PRKCZ: variants seen among roughly 807,000 people sequenced by gnomAD.
The protein encoded by PRKCZ is protein kinase C zeta.
A neutral mutation model predicts 79.5 loss-of-function variants in PRKCZ; 33 were observed. That is an observed-to-expected ratio of 0.41 (90% CI 0.31 to 0.55). The LOEUF is 0.55. Among genes scored for constraint, PRKCZ ranks in the 20% least tolerant of loss-of-function variants. The pLI is 0.19. For synonymous variants in PRKCZ, 342 were observed against 320.9 expected, an observed-to-expected ratio of 1.07 and a Z score of -0.70; for missense variants, 578 against 813.5, an observed-to-expected ratio of 0.71 and a Z score of 3.52.
intron 4 of PRKCZ, among the ~76,000 whole-genome samples, chr1:2,083,954 G>C (rs572093534): frequency 6.6e-6 from 1 of 152,208 alleles, no homozygotes; most frequent in Non-Finnish European, 1.5e-5. Context: ...TATGTTGGCC[G>C]GGCGCGGTGG....
intron 4 of PRKCZ, among the ~76,000 whole-genome samples, chr1:2,092,908 G>A (rs1665764819): frequency 6.6e-6 from 1 of 152,180 alleles, no homozygotes; most frequent in African/African-American, 2.4e-5. Context: ...TCCAGTCCCA[G>A]CGGACACATC....
At chr1:2,148,289 ACCTCT>A (rs1461642091) in intron 7 of PRKCZ, among the ~76,000 whole-genome samples, 25 of 149,298 alleles carry the variant, frequency 1.7e-4, no homozygotes, top group Middle Eastern at 3.5e-3. Context: ...TTGTCCACTG[ACCTCT>A]CCATCTATCC....
At chr1:2,108,598 G>A (rs1669069315) in intron 4 of PRKCZ, among the ~76,000 whole-genome samples, 1 of 152,230 alleles carries the variant, frequency 6.6e-6, no homozygotes, top group Non-Finnish European at 1.5e-5. Context: ...ACAGCTGACG[G>A]CAGCCCCTCT....
intron 10 of PRKCZ, chr1:2,156,411 A>G: frequency 3.7e-6 from 1 of 272,478 alleles, no homozygotes; most frequent in Non-Finnish European, 7.3e-6. Context: ...AAATATGTAC[A>G]GCTTCACCTT....
intron 4 of PRKCZ, among the ~76,000 whole-genome samples, chr1:2,104,038 C>T (rs1275733663): frequency 6.6e-6 from 1 of 152,214 alleles, no homozygotes; most frequent in East Asian, 1.9e-4. Flanking sequence ...GGGAGCTTCT[C>T]ACCACATAAT....
intron 9 of PRKCZ, among the ~76,000 whole-genome samples, chr1:2,155,599 A>ATGACGGTGGTGG (rs1553167960): frequency 1.1e-5 from 1 of 89,150 alleles, no homozygotes; most frequent in Non-Finnish European, 2.9e-5. Flanking sequence ...GGTGGTGGTG[A>ATGACGGTGGTGG]TGATGACAGT....
At chr1:2,102,497 T>G (rs1667623000) in intron 4 of PRKCZ, among the ~76,000 whole-genome samples, 1 of 151,822 alleles carries the variant, frequency 6.6e-6, no homozygotes. Flanking sequence ...CACGTCCCGC[T>G]AATTTTTTGT....
intron 11 of PRKCZ, among the ~76,000 whole-genome samples, chr1:2,170,759 G>A (rs575930832): frequency 3.0e-4 from 45 of 152,236 alleles, no homozygotes; most frequent in African/African-American, 9.6e-4. Flanking sequence ...TTGGTCCTTC[G>A]GTGGCTCATT....
intron 10 of PRKCZ, among the ~76,000 whole-genome samples, chr1:2,166,278 CGGT>C (rs1304472406): frequency 6.6e-6 from 1 of 151,988 alleles, no homozygotes; most frequent in Non-Finnish European, 1.5e-5. Flanking sequence ...AATTAGCTGG[CGGT>C]GGTGGTGCAA....
At chr1:2,087,896 AG>A (rs1239947633) in intron 4 of PRKCZ, among the ~76,000 whole-genome samples, 20 of 152,202 alleles carry the variant, frequency 1.3e-4, no homozygotes, top group Non-Finnish European at 8.8e-5. Flanking sequence ...GGAGCCAGGC[AG>A]GTCACTGCCT....
At chr1:2,057,296 C>T (rs1185822302) in intron 3 of PRKCZ, among the ~76,000 whole-genome samples, 3 of 152,206 alleles carry the variant, frequency 2.0e-5, no homozygotes, top group Non-Finnish European at 2.9e-5. Flanking sequence ...TGGGCGTGGG[C>T]TCCTCCCCGG....
At chr1:2,056,439 C>T in intron 2 of PRKCZ, 45 bp from the exon 3 acceptor site, 4 of 1,569,518 alleles carry the variant, frequency 2.5e-6, no homozygotes, top group Non-Finnish European at 3.5e-6. Flanking sequence ...GCCCCCTTTG[C>T]CTCGGGCCTT....
chr1:2,184,843 T>G lies in PRKCZ; in HGVS notation c.1692-79T>G. 1.4e-6 allele frequency: 2 copies of G among 1,432,380 alleles called. 1 individual carries two copies. The highest frequency in any genetic ancestry group is 2.4e-5 in the South Asian group (2 of 83,416). The allele number at this position is 1,432,380 out of a possible 1,614,324, so 88.7% of individuals were successfully genotyped here. ...TCCAGTGGGCGTTGGGGGAGGATTC[T>G]TATGCGAACGTGACTCCGCTTCCCC... On this transcript the variant is annotated intron_variant, in intron 17 of 17. Coordinates refer to ENST00000378567, the MANE Select transcript of PRKCZ (RefSeq NM_002744.6).
In PRKCZ at chr1:2,175,330, C is replaced by T. The variant is rs771370831; in HGVS notation, c.1575+17C>T. 11 of 1,598,178 alleles carry T rather than the reference C, an allele frequency of 6.9e-6. No homozygotes were observed. Among genetic ancestry groups the T allele is most frequent in the Non-Finnish European group, 9.4e-6 (11 of 1,167,380 alleles). ...TGGGACTTGGTAAAGCATCACAAAG[C>T]CTATTTGCACCCCCATCCCCATCCC... is the stretch of plus-strand genomic sequence containing the variant. On this transcript the variant is annotated intron_variant, in intron 16 of 17. Coordinates refer to ENST00000378567, the MANE Select transcript of PRKCZ (RefSeq NM_002744.6).
Position 2,053,966 on chromosome 1 carries a change from G to A in PRKCZ, c.72-1475G>A, listed in dbSNP as rs115339633. On this transcript the variant is annotated intron_variant, in intron 1 of 17. Coordinates refer to ENST00000378567, the MANE Select transcript of PRKCZ (RefSeq NM_002744.6). Reference sequence around the variant, plus strand: ...GTGGCCAGTTCCAGCAGGAAGGGGTGGGTAGCTGGGGCGTCTGTCCCCCAG... The same window carrying A: ...GTGGCCAGTTCCAGCAGGAAGGGGTAGGTAGCTGGGGCGTCTGTCCCCCAG... Among the ~76,000 whole-genome samples, 1,081 of 152,306 alleles carry A rather than the reference G, an allele frequency of 7.1e-3. 12 individuals carry two copies. Among genetic ancestry groups the A allele is most frequent in the African/African-American group, 0.025 (1,031 of 41,566 alleles).
At chr1:2,171,211 C>T (rs1249727341) in intron 11 of PRKCZ, among the ~76,000 whole-genome samples, 3 of 151,276 alleles carry the variant, frequency 2.0e-5, no homozygotes, top group Non-Finnish European at 2.9e-5. Context: ...GGTGTGGTGG[C>T]GGGCGCCTGT....
intron 4 of PRKCZ, among the ~76,000 whole-genome samples, chr1:2,086,183 T>A (rs1466435774): frequency 2.0e-5 from 3 of 151,326 alleles, no homozygotes; most frequent in Non-Finnish European, 4.4e-5. Flanking sequence ...CACCTCAGCC[T>A]CCCAAGTAGC....
At chr1:2,150,660 G>T (rs776283496) in intron 8 of PRKCZ, 130 bp from the exon 9 acceptor site, 7 of 926,230 alleles carry the variant, frequency 7.6e-6, no homozygotes, top group East Asian at 2.6e-5. Flanking sequence ...ACGCAGAACT[G>T]AGACTCGAAT....
At chr1:2,135,433 T>G (rs1675989763) in intron 5 of PRKCZ, 86 bp downstream of exon 5, 1 of 1,290,584 alleles carries the variant, frequency 7.7e-7, no homozygotes, top group African/African-American at 1.5e-5. Context: ...CACGTCCCGC[T>G]GAGCCCAGGC....
Sources: gnomAD v4.1 joint callset for allele counts (sites outside exome capture counted in the v4.1 genomes callset) on GRCh38, gnomAD v4.1.1 for gene constraint, MANE v1.5 for transcripts, NCBI Gene and HGNC (gene_info 2026-07-23, HGNC 2026-07-21) for gene names.